SLC39A5: variants seen among roughly 807,000 people sequenced by gnomAD.
The protein encoded by SLC39A5 is zinc transporter ZIP5.
In SLC39A5, 42 loss-of-function variants were observed where a neutral mutation model predicts 46.9. The observed-to-expected ratio is 0.90, with a 90% confidence interval of 0.70 to 1.16. The LOEUF (loss-of-function observed/expected upper bound fraction) is 1.16, where lower values mean the gene tolerates loss of function less well. Among genes scored for constraint, SLC39A5 ranks in the 50% most tolerant of loss-of-function variants. The pLI, the probability that SLC39A5 is intolerant of heterozygous loss-of-function variation, is 0.00. For missense variants in SLC39A5, 677 were observed against 686.8 expected (o/e 0.99, Z 0.16); for synonymous variants, 311 against 323.1 (o/e 0.96, Z 0.40).
chr12:56,236,778 C>A, intron 10 of SLC39A5, 32 bp downstream of exon 10: 1 of 1,580,342 alleles, frequency 6.3e-7, no homozygotes, highest in Non-Finnish European at 8.6e-7. Context: ...GGAAGCAGGT[C>A]CGAGGGGAGG....
At chr12:56,231,166 A>G in intron 3 of SLC39A5, 38 bp from the exon 4 acceptor site, 3 of 1,250,894 alleles carry the variant, frequency 2.4e-6, no homozygotes, top group Non-Finnish European at 3.3e-6. Flanking sequence ...TGAGCTGGAG[A>G]GCAGAGCGCA....
chr12:56,236,100 T>A (rs931348623), intron 8 of SLC39A5, among the ~76,000 whole-genome samples: 4 of 152,158 alleles, frequency 2.6e-5, no homozygotes, highest in African/African-American at 9.7e-5. Context: ...AGGAGCAGTG[T>A]GTGCTCCTGG....
In SLC39A5 at chr12:56,237,317, C is replaced by T; in HGVS notation, c.1456C>T (p.Leu486Phe). Residue 486 changes from leucine (L) to phenylalanine (F), a missense_variant, in exon 12 of 13, where the codon CTC (leucine) becomes TTC (phenylalanine). By Grantham distance (22) the Leu-to-Phe change is conservative. Transcript: ENST00000454355. Reference protein sequence around the residue: ...WVFGVTAGVFLYVALVDMLPA... With the variant: ...WVFGVTAGVFFYVALVDMLPA... Reference sequence around the variant, plus strand: ...GTTTGGGGTCACTGCTGGGGTCTTCCTCTATGTGGCCCTTGTGGACATGGT... The same window carrying T: ...GTTTGGGGTCACTGCTGGGGTCTTCTTCTATGTGGCCCTTGTGGACATGGT... 6.2e-7 allele frequency: 1 copy of T among 1,604,092 alleles called. No homozygotes were observed. Among genetic ancestry groups the T allele is most frequent in the African/African-American group, 1.3e-5 (1 of 74,764 alleles).
Position 56,236,691 on chromosome 12 carries a change from G to C in SLC39A5, c.1152G>C (p.Thr384=). ...GGCACCAGGGTGGCACTGATATCAC[G>C]TGGATGGTCCTCCTGGGAGATGGTC... ...SHGHQGGTDI[T]WMVLLGDGLH... Residue 384 remains threonine (T), a synonymous_variant, in exon 10 of 13, where the codon ACG becomes ACC. Coordinates refer to ENST00000454355, the MANE Select transcript of SLC39A5 (RefSeq NM_173596.3). 1 of 1,612,938 alleles carries C rather than the reference G, an allele frequency of 6.2e-7. No homozygotes were observed. Among genetic ancestry groups the C allele is most frequent in the Admixed American group, 1.7e-5 (1 of 59,942 alleles).
chr12:56,235,849 C>T, intron 8 of SLC39A5, 149 bp downstream of exon 8: 1 of 995,614 alleles, frequency 1.0e-6, no homozygotes. Flanking sequence ...TCGAGTCCAG[C>T]CTGACCAACA....
chr12:56,237,560 G>C, intron 12 of SLC39A5, 28 bp from the exon 13 acceptor site: 1 of 1,613,558 alleles, frequency 6.2e-7, no homozygotes, highest in Non-Finnish European at 8.5e-7. Flanking sequence ...GGCAAGGCCA[G>C]AATCCTGACA....
At position 56,231,418 on chromosome 12, in the gene SLC39A5, C is replaced by G. The variant is rs201565086; in HGVS notation, c.144C>G (p.Gly48=). The G allele has an allele frequency of 1.2e-6, 2 of 1,614,080 alleles. No individual in the cohort carries two copies. Among genetic ancestry groups the G allele is most frequent in the South Asian group, 2.2e-5 (2 of 91,086 alleles). The change falls in exon 4 of 13, where the codon GGC becomes GGG. Residue 48 remains glycine, a synonymous_variant. Coordinates refer to ENST00000454355, the MANE Select transcript of SLC39A5 (RefSeq NM_173596.3). ...HYLAQLFGLY[G]ENGTLTAGGL... ...TGGCCCAGCTGTTTGGCCTGTACGG[C>G]GAGAATGGGACGCTGACTGCAGGGG... is the stretch of plus-strand genomic sequence containing the variant.
At chr12:56,233,185 C>T (rs989976594) in intron 5 of SLC39A5, among the ~76,000 whole-genome samples, 1 of 134,740 alleles carries the variant, frequency 7.4e-6, no homozygotes, top group Non-Finnish European at 1.5e-5. Flanking sequence ...ATTGCTTGAA[C>T]TTGGGAGGCA....
At chr12:56,233,549 A>T (rs1439874818) in intron 5 of SLC39A5, among the ~76,000 whole-genome samples, 1 of 152,232 alleles carries the variant, frequency 6.6e-6, no homozygotes. Flanking sequence ...CTCTGGGATC[A>T]GAGCAGGTGA....
intron 3 of SLC39A5, 49 bp downstream of exon 3, chr12:56,230,922 G>T (rs1444306512): frequency 4.2e-6 from 1 of 240,600 alleles, no homozygotes; most frequent in African/African-American, 2.2e-5. Context: ...GGGATTGAGG[G>T]GGGATAAAGA....
At chr12:56,232,161 CTTTTTTTT>C (rs767220492) in intron 4 of SLC39A5, among the ~76,000 whole-genome samples, 1 of 117,248 alleles carries the variant, frequency 8.5e-6, no homozygotes, top group Admixed American at 8.9e-5. Context: ...CTTTTCTTTT[CTTTTTTTT>C]TTTTTTTTTT....
Position 56,236,702 on chromosome 12 carries a change from T to C in SLC39A5, c.1163T>C (p.Leu388Pro). The change falls in exon 10 of 13, where the codon CTC (leucine) becomes CCC (proline). Residue 388 changes from leucine (L) to proline (P), a missense_variant. Coordinates refer to ENST00000454355, the MANE Select transcript of SLC39A5 (RefSeq NM_173596.3). Reference protein sequence around the residue: ...QGGTDITWMVLLGDGLHNLTD... With the variant: ...QGGTDITWMVPLGDGLHNLTD... ...GGCACTGATATCACGTGGATGGTCC[T>C]CCTGGGAGATGGTCTACACAACCTC... The C allele has an allele frequency of 6.2e-7, 1 of 1,611,966 alleles. No individual in the cohort carries two copies. Among genetic ancestry groups the C allele is most frequent in the African/African-American group, 1.3e-5 (1 of 75,000 alleles).
At position 56,232,494 on chromosome 12, in the gene SLC39A5, T is replaced by A. The variant is rs569681487; in HGVS notation, c.288-195T>A. Among the ~76,000 whole-genome samples, 7 of 152,220 alleles carry A rather than the reference T, an allele frequency of 4.6e-5. No homozygotes were observed. In the South Asian group the frequency reaches 1.5e-3, roughly 32 times the overall value. On this transcript the variant is annotated intron_variant, in intron 4 of 12. Coordinates refer to ENST00000454355, the MANE Select transcript of SLC39A5 (RefSeq NM_173596.3). ...CGTAGCCCTTTTGGTTGTCGTCCTT[T>A]TTTTTCTGTCCCCCCCAGTGGCAGA... is the stretch of plus-strand genomic sequence containing the variant.
intron 5 of SLC39A5, among the ~76,000 whole-genome samples, chr12:56,233,327 A>G (rs1870424233): frequency 6.7e-6 from 1 of 150,284 alleles, no homozygotes; most frequent in Non-Finnish European, 1.5e-5. Flanking sequence ...GCACATGCCT[A>G]TAATCCCAGT....
At position 56,236,577 on chromosome 12, in the gene SLC39A5, C is replaced by T. The variant is rs368604522; in HGVS notation, c.1043-5C>T. The stretch of plus-strand genomic sequence containing the variant: ...ACCAACACTGTCCTGTGCTTCTTCC[C>T]GCAGAGCCAGGGGCTCAGGGCCAGA... On this transcript the variant is annotated splice_region_variant and splice_polypyrimidine_tract_variant and intron_variant, in intron 9 of 12. Coordinates refer to ENST00000454355, the MANE Select transcript of SLC39A5 (RefSeq NM_173596.3). The T allele has an allele frequency of 3.5e-4, 558 of 1,612,614 alleles. 6 individuals carry two copies. In the South Asian group the frequency reaches 5.1e-3, roughly 15 times the overall value.
chr12:56,237,246 TG>T lies in SLC39A5; in HGVS notation c.1390del (p.Val464TrpfsTer63), dbSNP rs1393250951. On this transcript the variant is annotated frameshift_variant, in exon 12 of 13. Coordinates refer to ENST00000454355, the MANE Select transcript of SLC39A5 (RefSeq NM_173596.3). LOFTEE classifies it high-confidence loss of function. Reference protein sequence around the residue: ...SGALGLGGAVLGVGLSLGPVP... With the variant: ...SGALGLGGAVXGVGLSLGPVP... ...GCCCTGGGATTGGGGGGTGCAGTCC[TG>T]GGGGTGGGGCTCAGCCTGGGCCCTG... 2.5e-6 allele frequency: 4 copies of T among 1,613,664 alleles called. No individual in the cohort carries two copies. The highest frequency in any genetic ancestry group is 1.3e-5 in the African/African-American group (1 of 74,846).
At position 56,234,965 on chromosome 12, in the gene SLC39A5, C is replaced by A. The variant is rs761082430; in HGVS notation, c.613C>A (p.Pro205Thr). 1.4e-5 allele frequency: 22 copies of A among 1,613,014 alleles called. No homozygotes were observed. Among genetic ancestry groups the A allele is most frequent in the African/African-American group, 2.7e-5 (2 of 74,928 alleles). Residue 205 changes from proline to threonine, a missense_variant, in exon 6 of 13, where the codon CCC (proline) becomes ACC (threonine). Coordinates refer to ENST00000454355, the MANE Select transcript of SLC39A5 (RefSeq NM_173596.3). ...CTGCATCGGCGCTCCGGCCCCTGCA[C>A]CCCCAGGGGATCTACTATCTGGTCA... ...RVCIGAPAPA[P>T]PGDLLSALLQ...
Position 56,236,377 on chromosome 12 carries a change from G to T in SLC39A5, c.946-19G>T. Reference sequence around the variant, plus strand: ...GCTCTGCTGCCTCCTCCACCAGGAGGGATGCCCTCCTATTTCAGAGATGCT... The same window carrying T: ...GCTCTGCTGCCTCCTCCACCAGGAGTGATGCCCTCCTATTTCAGAGATGCT... On this transcript the variant is annotated intron_variant, in intron 8 of 12. Transcript: ENST00000454355. The T allele has an allele frequency of 6.2e-7, 1 of 1,613,208 alleles. No homozygotes were observed.
chr12:56,237,108 C>T, intron 11 of SLC39A5, 42 bp from the exon 12 acceptor site: 1 of 1,612,682 alleles, frequency 6.2e-7, no homozygotes, highest in Non-Finnish European at 8.5e-7. Flanking sequence ...ATGAGGGGCA[C>T]CCCAGCTTAC....
Sources: gnomAD v4.1 joint callset for allele counts (sites outside exome capture counted in the v4.1 genomes callset) on GRCh38, gnomAD v4.1.1 for gene constraint, MANE v1.5 for transcripts, NCBI Gene and HGNC (gene_info 2026-07-23, HGNC 2026-07-21) for gene names.